Variants in KHDRBS1 observed in about 807,000 individuals in gnomAD.
The protein encoded by KHDRBS1 is KH RNA binding domain containing, signal transduction associated 1.
Under a neutral mutation model 48.4 loss-of-function variants are expected in KHDRBS1, and 7 were observed. The observed-to-expected ratio is 0.14, with a 90% CI of 0.08 to 0.27. KHDRBS1 has a LOEUF of 0.27. KHDRBS1 is among the 10% of genes least tolerant of loss of function. The pLI is 1.00. For synonymous variants in KHDRBS1, 241 were observed against 235.8 expected (o/e 1.02, Z -0.20); for missense variants, 458 against 601.2 (o/e 0.76, Z 2.49).
At chr1:32,021,641 G>A (rs1638860488) in intron 1 of KHDRBS1, among the ~76,000 whole-genome samples, 1 of 151,942 alleles carries the variant, frequency 6.6e-6, no homozygotes, top group African/African-American at 2.4e-5. Flanking sequence ...TTTTGAAACA[G>A]GTTCTCACTA....
chr1:32,035,381 A>AG (rs920890737), intron 4 of KHDRBS1, among the ~76,000 whole-genome samples: 7 of 152,118 alleles, frequency 4.6e-5, no homozygotes, highest in African/African-American at 1.7e-4. Flanking sequence ...TAGAGAGTTG[A>AG]GGGGGGCATC....
At chr1:32,057,503 T>TA (rs1035920947) in intron 10 of KHDRBS1, among the ~76,000 whole-genome samples, 1 of 150,274 alleles carries the variant, frequency 6.7e-6, no homozygotes, top group Non-Finnish European at 1.5e-5. Flanking sequence ...TTTTTTTTTT[T>TA]AAAGAGATGA....
In KHDRBS1 at chr1:32,043,250, A is replaced by G. The variant is rs1639314598; in HGVS notation, c.*626A>G. The G allele has an allele frequency of 6.6e-6, 1 of 152,532 alleles. No individual in the cohort carries two copies. Among genetic ancestry groups the G allele is most frequent in the South Asian group, 2.1e-4 (1 of 4,832 alleles). 9.4% of individuals were successfully genotyped at this position (152,532 alleles called of 1,614,324 possible). On this transcript the variant is annotated 3_prime_UTR_variant, in exon 9 of 9. Transcript: ENST00000327300. Reference sequence around the variant, plus strand: ...AATATGAAAGATCCTCATGAATTAAATAGTTGATGCAATTTTTAACGTTAA... The same window carrying G: ...AATATGAAAGATCCTCATGAATTAAGTAGTTGATGCAATTTTTAACGTTAA...
intron 10 of KHDRBS1, among the ~76,000 whole-genome samples, chr1:32,055,376 A>G (rs1235361788): frequency 6.6e-6 from 1 of 152,064 alleles, no homozygotes; most frequent in East Asian, 1.9e-4. Flanking sequence ...TGAACCTGGG[A>G]GGCGGAGGTT....
chr1:32,039,875 T>C (rs1639250386), intron 8 of KHDRBS1, among the ~76,000 whole-genome samples: 1 of 151,920 alleles, frequency 6.6e-6, no homozygotes, highest in South Asian at 2.1e-4. Flanking sequence ...GCTAATGTTA[T>C]TTTTTTTCTA....
rs753165934 is a variant in KHDRBS1 at position 32,030,391 on chromosome 1, G to A, written c.476G>A (p.Arg159Gln). The change falls in exon 2 of 9, where the codon CGA becomes CAA. Residue 159 changes from arginine to glutamine, a missense_variant. This residue lies in a region of KHDRBS1 where 74 missense variants were observed against 156.9 expected (regional missense o/e 0.47). Coordinates refer to ENST00000327300, the MANE Select transcript of KHDRBS1 (RefSeq NM_006559.3). ...FSHKNMKLKE[R>Q]VLIPVKQYPK... The stretch of plus-strand genomic sequence containing the variant: ...CATAAGAACATGAAACTGAAAGAGC[G>A]AGTGCTGATACCTGTCAAGCAGTAT... 6.2e-7 allele frequency: 1 copy of A among 1,612,154 alleles called. No homozygotes were observed. Among genetic ancestry groups the A allele is most frequent in the Non-Finnish European group, 8.5e-7 (1 of 1,179,180 alleles).
At chr1:32,033,090 G>T in intron 3 of KHDRBS1, 98 bp from the exon 4 acceptor site, 4 of 819,834 alleles carry the variant, frequency 4.9e-6, no homozygotes, top group South Asian at 1.6e-5. Flanking sequence ...GTTTTTCATG[G>T]ACATTAGGGG....
intron 7 of KHDRBS1, 69 bp from the exon 8 acceptor site, chr1:32,039,446 G>T: frequency 1.3e-6 from 1 of 793,962 alleles, no homozygotes; most frequent in Middle Eastern, 2.2e-4. Context: ...CTGACTTATG[G>T]AAGTATTTGA....
intron 1 of KHDRBS1, among the ~76,000 whole-genome samples, chr1:32,018,280 G>A (rs1363212880): frequency 1.3e-5 from 2 of 151,672 alleles, no homozygotes; most frequent in Non-Finnish European, 2.9e-5. Context: ...CCAACGTGGT[G>A]AAACCCTGTC....
At chr1:32,027,931 G>A (rs1257532684) in intron 1 of KHDRBS1, among the ~76,000 whole-genome samples, 1 of 152,084 alleles carries the variant, frequency 6.6e-6, no homozygotes, top group Non-Finnish European at 1.5e-5. Context: ...CAGCCAACAT[G>A]GTGAAACCCC....
chr1:32,036,932 A>G lies in KHDRBS1; in HGVS notation c.794A>G (p.Gln265Arg). The G allele has an allele frequency of 6.2e-7, 1 of 1,613,900 alleles. No homozygotes were observed. Among genetic ancestry groups the G allele is most frequent in the Non-Finnish European group, 8.5e-7 (1 of 1,179,876 alleles). Residue 265 changes from glutamine (Q) to arginine (R), a missense_variant, in exon 5 of 9, where the codon CAG (glutamine) becomes CGG (arginine). This residue lies in a region of KHDRBS1 where 74 missense variants were observed against 156.9 expected (regional missense o/e 0.47). Transcript: ENST00000327300. ...LVPDMMDDIC[Q>R]EQFLELSYLN... ...CAGGATATGATGGATGATATCTGTC[A>G]GGAGCAATTTCTAGAGCTGTCCTAC... is the stretch of plus-strand genomic sequence containing the variant.
At chr1:32,059,448 G>C (rs184491974) in intron 10 of KHDRBS1, among the ~76,000 whole-genome samples, 82 of 151,964 alleles carry the variant, frequency 5.4e-4, no homozygotes, top group African/African-American at 1.9e-3. Context: ...GCTGAGGTTG[G>C]AGGATCACTT....
intron 1 of KHDRBS1, among the ~76,000 whole-genome samples, chr1:32,029,399 T>A (rs1443484407): frequency 6.6e-6 from 1 of 152,236 alleles, no homozygotes; most frequent in Non-Finnish European, 1.5e-5. Context: ...GGCTCACGCC[T>A]GTAATCCCAG....
chr1:32,049,255 C>T (rs1409349883), intron 10 of KHDRBS1, among the ~76,000 whole-genome samples: 2 of 151,864 alleles, frequency 1.3e-5, no homozygotes, highest in African/African-American at 2.4e-5. Flanking sequence ...GGGGTTTCAC[C>T]GTGTTGGCCA....
At chr1:32,054,678 A>G (rs541307157) in intron 10 of KHDRBS1, among the ~76,000 whole-genome samples, 3 of 152,206 alleles carry the variant, frequency 2.0e-5, no homozygotes, top group African/African-American at 4.8e-5. Context: ...TGAGAGTATC[A>G]TATACAGCAA....
intron 8 of KHDRBS1, among the ~76,000 whole-genome samples, chr1:32,042,233 G>A (rs1639294047): frequency 6.6e-6 from 1 of 152,166 alleles, no homozygotes; most frequent in Non-Finnish European, 1.5e-5. Flanking sequence ...CCAGGTTTGG[G>A]GACTGGCGTA....
At position 32,042,502 on chromosome 1, in the gene KHDRBS1, T is replaced by G. The variant is rs374555868; in HGVS notation, c.1235-25T>G. 328 of 1,549,644 alleles carry G rather than the reference T, an allele frequency of 2.1e-4. 1 individual carries two copies. Among genetic ancestry groups the G allele is most frequent in the Middle Eastern group, 5.0e-4 (3 of 5,982 alleles). On this transcript the variant is annotated intron_variant, in intron 8 of 8. Transcript: ENST00000327300. ...CTAAGTGCTGTCGCCACATGGTTTA[T>G]AAACTGTCTTTGTTTTCCCCACAGG...
intron 8 of KHDRBS1, among the ~76,000 whole-genome samples, chr1:32,040,894 A>G (rs1171436685): frequency 6.6e-6 from 1 of 152,192 alleles, no homozygotes; most frequent in Non-Finnish European, 1.5e-5. Flanking sequence ...GTAGCCAATC[A>G]GCTGCTTGCC....
intron 10 of KHDRBS1, among the ~76,000 whole-genome samples, chr1:32,055,536 T>A (rs1639471747): frequency 6.6e-6 from 1 of 152,164 alleles, no homozygotes; most frequent in Non-Finnish European, 1.5e-5. Flanking sequence ...TAATAGTCGT[T>A]GCATGTTTAA....
Sources: allele counts gnomAD v4.1 joint callset (sites outside exome capture counted in the v4.1 genomes callset), GRCh38; gene constraint gnomAD v4.1.1; regional missense constraint gnomAD v4.1.1; transcripts MANE v1.5; gene names NCBI Gene and HGNC (gene_info 2026-07-23, HGNC 2026-07-21).